GBE1: variants seen among roughly 807,000 people sequenced by gnomAD.
GBE1 encodes the protein 1,4-alpha-glucan branching enzyme 1.
A neutral mutation model predicts 88.8 loss-of-function variants in GBE1; 70 were observed. The ratio of observed to expected loss-of-function variants is 0.79; its 90% CI spans 0.65 to 0.96. The LOEUF (loss-of-function observed/expected upper bound fraction) is 0.96. GBE1 is among the 40% of genes least tolerant of loss of function. The pLI is 0.00. For synonymous variants in GBE1, 284 were observed against 300.1 expected (o/e 0.95, Z 0.56); for missense variants, 872 against 871.0 (o/e 1.00, Z -0.01).
chr3:81,625,288 AT>A (rs1295186790), intron 7 of GBE1, among the ~76,000 whole-genome samples: 2 of 152,074 alleles, frequency 1.3e-5, no homozygotes, highest in African/African-American at 2.4e-5. Flanking sequence ...TGACATTCCT[AT>A]TTTTGCATTG....
At chr3:81,644,164 C>T (rs191797697) in intron 6 of GBE1, among the ~76,000 whole-genome samples, 5 of 151,682 alleles carry the variant, frequency 3.3e-5, no homozygotes, top group Admixed American at 6.6e-5. Context: ...GATACACCAG[C>T]GAAAAAAATA....
chr3:81,673,272 G>A (rs2107118122), intron 2 of GBE1, among the ~76,000 whole-genome samples: 1 of 151,862 alleles, frequency 6.6e-6, no homozygotes, highest in South Asian at 2.1e-4. Context: ...TCCCGGTTAG[G>A]TAGAACTGAA....
At chr3:81,681,390 G>A (rs1199770189) in intron 2 of GBE1, among the ~76,000 whole-genome samples, 3 of 151,982 alleles carry the variant, frequency 2.0e-5, no homozygotes. Flanking sequence ...CACTTCCTTG[G>A]TTTCAGCATG....
At chr3:81,684,790 C>G (rs554244363) in intron 2 of GBE1, among the ~76,000 whole-genome samples, 3 of 152,014 alleles carry the variant, frequency 2.0e-5, no homozygotes, top group Non-Finnish European at 4.4e-5. Flanking sequence ...TACATTTTTG[C>G]AAGCCCTGAA....
chr3:81,690,117 C>A (rs1257387937), intron 2 of GBE1, among the ~76,000 whole-genome samples: 2 of 152,168 alleles, frequency 1.3e-5, no homozygotes, highest in Non-Finnish European at 2.9e-5. Context: ...TGTGCTTTAT[C>A]TGTGCCTACC....
intron 7 of GBE1, among the ~76,000 whole-genome samples, chr3:81,634,023 C>G (rs1197475882): frequency 6.6e-6 from 1 of 152,174 alleles, no homozygotes; most frequent in Admixed American, 6.6e-5. Flanking sequence ...GGTCCACATT[C>G]TCAACACGAA....
chr3:81,672,048 C>G (rs1034935029), intron 2 of GBE1, among the ~76,000 whole-genome samples: 2 of 151,918 alleles, frequency 1.3e-5, no homozygotes, highest in Non-Finnish European at 1.5e-5. Flanking sequence ...TAATGATACT[C>G]AAGCTCACTG....
At position 81,626,063 on chromosome 3, in the gene GBE1, G is replaced by T. The variant is rs1576174999; in HGVS notation, c.992+16718C>A. 3.3e-5 allele frequency among the ~76,000 whole-genome samples: 5 copies of T among 152,238 alleles called. No homozygotes were observed. The South Asian group carries it at 1.0e-3, about 32-fold the overall frequency. ...GTACTACATGTTGATGCTAGTTTAG[G>T]GGCGGTAAGATTTCAATAAAGTAAA... On this transcript the variant is annotated intron_variant, in intron 7 of 15. Coordinates refer to ENST00000429644, the MANE Select transcript of GBE1 (RefSeq NM_000158.4).
intron 1 of GBE1, among the ~76,000 whole-genome samples, chr3:81,740,344 A>T (rs1433305981): frequency 2.0e-5 from 3 of 152,118 alleles, no homozygotes; most frequent in Non-Finnish European, 4.4e-5. Context: ...GCACCAAGAA[A>T]ATAAGATTTT....
At chr3:81,516,781 G>A (rs1702803835) in intron 14 of GBE1, among the ~76,000 whole-genome samples, 1 of 151,504 alleles carries the variant, frequency 6.6e-6, no homozygotes, top group Non-Finnish European at 1.5e-5. Flanking sequence ...ATGACTTTGA[G>A]AAACTCAAGA....
At position 81,561,402 on chromosome 3, in the gene GBE1, T is replaced by G. The variant is rs531379859; in HGVS notation, c.1618+16523A>C. 6.6e-5 allele frequency among the ~76,000 whole-genome samples: 10 copies of G among 152,168 alleles called. No individual in the cohort carries two copies. In the South Asian group the frequency reaches 1.9e-3, roughly 28 times the overall value. ...AGTATTTCATTTTGTACATGATAAG[T>G]TAGGCAGAGTTAATGAATATCTCTT... On this transcript the variant is annotated intron_variant, in intron 12 of 15. Coordinates refer to ENST00000429644, the MANE Select transcript of GBE1 (RefSeq NM_000158.4).
chr3:81,491,781 C>CTTGAGTTT (rs1470787177), intron 15 of GBE1, among the ~76,000 whole-genome samples: 3 of 151,960 alleles, frequency 2.0e-5, no homozygotes, highest in Admixed American at 2.0e-4. Context: ...GCAAACATGA[C>CTTGAGTTT]TTTAGGAAAA....
chr3:81,699,940 GA>G (rs1287650752), intron 2 of GBE1, among the ~76,000 whole-genome samples: 8 of 152,168 alleles, frequency 5.3e-5, no homozygotes, highest in Non-Finnish European at 1.0e-4. Context: ...TTTGGCTAAT[GA>G]AATGTAAGTG....
intron 12 of GBE1, among the ~76,000 whole-genome samples, chr3:81,547,420 A>T (rs1275131581): frequency 1.1e-4 from 16 of 151,442 alleles, no homozygotes; most frequent in Non-Finnish European, 1.0e-4. Flanking sequence ...AGAATTACAC[A>T]AGTAAAGGAC....
At chr3:81,686,841 T>C (rs1705449891) in intron 2 of GBE1, among the ~76,000 whole-genome samples, 1 of 152,200 alleles carries the variant, frequency 6.6e-6, no homozygotes, top group Non-Finnish European at 1.5e-5. Flanking sequence ...TGCCTTAGTA[T>C]AAAATCTTCT....
chr3:81,595,394 T>C (rs1167102420), intron 7 of GBE1, among the ~76,000 whole-genome samples: 5 of 151,846 alleles, frequency 3.3e-5, no homozygotes, highest in Non-Finnish European at 7.4e-5. Context: ...TTCTTATAAT[T>C]AATAAATTTT....
chr3:81,721,405 CA>C (rs1175436134), intron 1 of GBE1, among the ~76,000 whole-genome samples: 1 of 151,956 alleles, frequency 6.6e-6, no homozygotes, highest in Non-Finnish European at 1.5e-5. Context: ...TTATGGGGAA[CA>C]GTTTTTCAAT....
intron 7 of GBE1, among the ~76,000 whole-genome samples, chr3:81,598,585 A>G (rs1703989443): frequency 6.6e-6 from 1 of 151,978 alleles, no homozygotes; most frequent in South Asian, 2.1e-4. Flanking sequence ...CATAATTTGT[A>G]TAAGTTACAT....
chr3:81,643,207 T>C (rs769616345), intron 6 of GBE1, among the ~76,000 whole-genome samples: 1 of 152,066 alleles, frequency 6.6e-6, no homozygotes, highest in Non-Finnish European at 1.5e-5. Flanking sequence ...GGTTATTAAA[T>C]GTAGATTTAT....
Sources: gnomAD v4.1 joint callset for allele counts (sites outside exome capture counted in the v4.1 genomes callset) on GRCh38, gnomAD v4.1.1 for gene constraint, MANE v1.5 for transcripts, NCBI Gene and HGNC (gene_info 2026-07-23, HGNC 2026-07-21) for gene names.